Variants in AGAP1 observed in about 807,000 individuals in gnomAD.
AGAP1 encodes the protein ArfGAP with GTPase domain, ankyrin repeat and PH domain 1.
In AGAP1, 29 loss-of-function variants were observed where a neutral mutation model predicts 105.3. That is an observed-to-expected ratio of 0.28 (90% CI 0.21 to 0.38). AGAP1 has a LOEUF of 0.38. Ranked by LOEUF, AGAP1 falls within the 10% of genes least tolerant of loss-of-function variation. AGAP1 has a pLI of 1.00. For missense variants in AGAP1, 998 were observed against 1,165.1 expected (o/e 0.86, Z 2.09); for synonymous variants, 509 against 485.9 (o/e 1.05, Z -0.63).
At chr2:236,032,546 T>C (rs1018572475) in intron 13 of AGAP1, among the ~76,000 whole-genome samples, 1 of 152,172 alleles carries the variant, frequency 6.6e-6, no homozygotes, top group Admixed American at 6.5e-5. Flanking sequence ...TCTGTAATCT[T>C]ACAGAGTGAG....
chr2:236,118,579 G>T (rs1385237164), intron 16 of AGAP1, among the ~76,000 whole-genome samples: 1 of 151,764 alleles, frequency 6.6e-6, no homozygotes, highest in Non-Finnish European at 1.5e-5. Flanking sequence ...AGTAGAGACA[G>T]GGTTTCACCA....
chr2:235,781,888 G>C (rs535573822), intron 6 of AGAP1, among the ~76,000 whole-genome samples: 1 of 152,060 alleles, frequency 6.6e-6, no homozygotes, highest in Non-Finnish European at 1.5e-5. Context: ...CGGAGTTTCC[G>C]CATTCCTTTT....
intron 6 of AGAP1, among the ~76,000 whole-genome samples, chr2:235,770,740 A>T (rs1476019682): frequency 2.0e-5 from 3 of 152,180 alleles, no homozygotes; most frequent in Non-Finnish European, 2.9e-5. Flanking sequence ...GGATTATCAC[A>T]GTCAGTGCTA....
chr2:235,597,617 C>T (rs543633305), intron 1 of AGAP1, among the ~76,000 whole-genome samples: 1 of 152,346 alleles, frequency 6.6e-6, no homozygotes, highest in South Asian at 2.1e-4. Context: ...CAAAAATGTG[C>T]AGCACGCCCT....
At chr2:235,576,307 G>GT (rs1559261478) in intron 1 of AGAP1, among the ~76,000 whole-genome samples, 1 of 152,204 alleles carries the variant, frequency 6.6e-6, no homozygotes, top group Non-Finnish European at 1.5e-5. Context: ...CTATAAAAGT[G>GT]TTTGGGGGCC....
chr2:236,056,869 CTCCTGT>C lies in AGAP1; in HGVS notation c.2114+7593_2114+7598del, dbSNP rs1393996086. 6.6e-6 allele frequency among the ~76,000 whole-genome samples: 1 copy of C among 152,154 alleles called. No homozygotes were observed. The highest frequency in any genetic ancestry group is 2.4e-5 in the African/African-American group (1 of 41,428). On this transcript the variant is annotated intron_variant, in intron 16 of 17. Coordinates refer to ENST00000304032, the MANE Select transcript of AGAP1 (RefSeq NM_001037131.3). The surrounding 1 kb of genome is among the most constrained non-coding windows in gnomAD (Gnocchi z 4.6). The stretch of plus-strand genomic sequence containing the variant: ...ATGCCGCTCTGCAGTCCTGCTGCTG[CTCCTGT>C]TCCTTTTCTGCCAAATCCACGTCAG...
intron 16 of AGAP1, among the ~76,000 whole-genome samples, chr2:236,091,075 A>G (rs979904974): frequency 6.6e-6 from 1 of 152,180 alleles, no homozygotes; most frequent in African/African-American, 2.4e-5. Context: ...GAACACATCA[A>G]TCCGCTGCCT....
rs189825627 is a variant in AGAP1 at position 235,760,335 on chromosome 2, C to T, written c.673+9847C>T. Reference sequence around the variant, plus strand: ...CGGAGGTTGCAGTGAGCTGAGATCACGCCACTGCACTCCAGCCTGGGCGAC... The same window carrying T: ...CGGAGGTTGCAGTGAGCTGAGATCATGCCACTGCACTCCAGCCTGGGCGAC... On this transcript the variant is annotated intron_variant, in intron 6 of 17. Coordinates refer to ENST00000304032, the MANE Select transcript of AGAP1 (RefSeq NM_001037131.3). 1.2e-3 allele frequency among the ~76,000 whole-genome samples: 190 copies of T among 152,320 alleles called. 3 individuals are homozygous for T. The highest frequency in any genetic ancestry group is 6.8e-3 in the Middle Eastern group (2 of 294).
chr2:235,564,535 T>C (rs1038559580), intron 1 of AGAP1, among the ~76,000 whole-genome samples: 1 of 152,210 alleles, frequency 6.6e-6, no homozygotes, highest in African/African-American at 2.4e-5. Context: ...CCAGTTCACA[T>C]GTAGTTGAGG....
Position 236,001,945 on chromosome 2 carries a change from T to C in AGAP1, c.1645+33322T>C, listed in dbSNP as rs2056139514. ...CACATACATTCTGAAGCGCTCACGC[T>C]TTGTTCCTGTGGACATCTCTGCCTG... is the stretch of plus-strand genomic sequence containing the variant. On this transcript the variant is annotated intron_variant, in intron 13 of 17. Transcript: ENST00000304032. The surrounding 1 kb of genome is among the most constrained non-coding windows in gnomAD (Gnocchi z 4.7). 1.3e-5 allele frequency among the ~76,000 whole-genome samples: 2 copies of C among 152,190 alleles called. No individual in the cohort carries two copies. Among genetic ancestry groups the C allele is most frequent in the South Asian group, 4.1e-4 (2 of 4,830 alleles).
At chr2:235,817,925 G>A (rs1004596600) in intron 9 of AGAP1, among the ~76,000 whole-genome samples, 5 of 152,180 alleles carry the variant, frequency 3.3e-5, no homozygotes, top group African/African-American at 9.6e-5. Flanking sequence ...TGGGAAATAT[G>A]TTCCTAGTTA....
At chr2:235,807,165 C>A in intron 8 of AGAP1, 74 bp from the exon 9 acceptor site, 1 of 1,467,544 alleles carries the variant, frequency 6.8e-7, no homozygotes, top group South Asian at 1.2e-5. Flanking sequence ...GGCAGGAATT[C>A]TGCAAACAGG....
chr2:236,064,371 A>G (rs2058289564), intron 16 of AGAP1, among the ~76,000 whole-genome samples: 1 of 152,112 alleles, frequency 6.6e-6, no homozygotes, highest in African/African-American at 2.4e-5. Flanking sequence ...TGGGTGGATC[A>G]CTTGAGGTTG....
At chr2:235,693,720 T>C (rs1949856280) in intron 1 of AGAP1, among the ~76,000 whole-genome samples, 1 of 152,172 alleles carries the variant, frequency 6.6e-6, no homozygotes, top group Admixed American at 6.5e-5. Context: ...GAAGTAGTAG[T>C]ACTTGCTATT....
chr2:235,593,401 G>C (rs1290375874), intron 1 of AGAP1, among the ~76,000 whole-genome samples: 24 of 150,442 alleles, frequency 1.6e-4, no homozygotes, highest in Admixed American at 1.5e-3. Context: ...AGTGATATTA[G>C]TATGTTTTTT....
Position 235,614,070 on chromosome 2 carries a change from G to A in AGAP1, c.164-95109G>A, listed in dbSNP as rs1041250905. On this transcript the variant is annotated intron_variant, in intron 1 of 17. Coordinates refer to ENST00000304032, the MANE Select transcript of AGAP1 (RefSeq NM_001037131.3). This position sits in a 1 kb window ranked among gnomAD's most constrained non-coding sequence, Gnocchi z 4.7. ...ATACTCAAAAGCACTAAGTTTTCTT[G>A]CGTGGTATCTGTTCATATATTGATT... Among the ~76,000 whole-genome samples the A allele has an allele frequency of 2.0e-5, 3 of 151,374 alleles. No homozygotes were observed. Among genetic ancestry groups the A allele is most frequent in the African/African-American group, 7.3e-5 (3 of 41,182 alleles).
At chr2:235,956,617 C>T (rs947980191) in intron 12 of AGAP1, among the ~76,000 whole-genome samples, 1 of 152,166 alleles carries the variant, frequency 6.6e-6, no homozygotes, top group African/African-American at 2.4e-5. Flanking sequence ...AGGAGTATGA[C>T]CTGGGAGGCG....
At chr2:235,947,827 T>C (rs1006448054) in intron 12 of AGAP1, among the ~76,000 whole-genome samples, 4 of 152,250 alleles carry the variant, frequency 2.6e-5, no homozygotes, top group African/African-American at 4.8e-5. Context: ...TTAAATGCTT[T>C]ATAGGTACTA....
Position 235,508,902 on chromosome 2 carries a change from T to C in AGAP1, c.163+14053T>C, listed in dbSNP as rs147847004. On this transcript the variant is annotated intron_variant, in intron 1 of 17. Transcript: ENST00000304032. ...TTGCCCAGGGTTACACAGAGGAAGG[T>C]GGCAGAGCCGGAAGTGGCAGAATCC... Among the ~76,000 whole-genome samples the C allele has an allele frequency of 4.5e-3, 684 of 152,336 alleles. 3 individuals are homozygous for C. Among genetic ancestry groups the C allele is most frequent in the African/African-American group, 0.016 (657 of 41,572 alleles).
Sources: allele counts gnomAD v4.1 joint callset (sites outside exome capture counted in the v4.1 genomes callset), GRCh38; gene constraint gnomAD v4.1.1; non-coding constraint Gnocchi (gnomAD v3.1); transcripts MANE v1.5; gene names NCBI Gene and HGNC (gene_info 2026-07-23, HGNC 2026-07-21).